NAV3: variants seen among roughly 807,000 people sequenced by gnomAD.
The protein encoded by NAV3 is neuron navigator 3, also known as pore membrane and/or filament interacting like protein 1.
NAV3 carries 87 observed loss-of-function variants against 244.7 expected under a neutral mutation model. The observed-to-expected ratio is 0.36, with a 90% CI of 0.30 to 0.42. The LOEUF is 0.42. NAV3 is among the 20% of genes least tolerant of loss of function. The pLI is 1.00. For synonymous variants in NAV3, 1,126 were observed against 1,042.2 expected (o/e 1.08, Z -1.55); for missense variants, 2,663 against 2,893.3 (o/e 0.92, Z 1.83).
chr12:77,988,791 C>T (rs907169749), intron 5 of NAV3, among the ~76,000 whole-genome samples: 1 of 152,132 alleles, frequency 6.6e-6, no homozygotes, highest in Non-Finnish European at 1.5e-5. Flanking sequence ...GTCTACATGT[C>T]ACCTGTGTCT....
At chr12:78,033,532 A>G (rs1365992904) in intron 9 of NAV3, among the ~76,000 whole-genome samples, 1 of 152,086 alleles carries the variant, frequency 6.6e-6, no homozygotes, top group East Asian at 1.9e-4. Flanking sequence ...AAAAACATTC[A>G]TATATGAATG....
At chr12:77,684,911 T>A (rs994753279) in intron 2 of NAV3, among the ~76,000 whole-genome samples, 1 of 152,204 alleles carries the variant, frequency 6.6e-6, no homozygotes, top group East Asian at 1.9e-4. Flanking sequence ...TTTGAAAAAA[T>A]TTTCCTTTCA....
chr12:77,875,564 T>C (rs550656696), intron 1 of NAV3, among the ~76,000 whole-genome samples: 26 of 152,146 alleles, frequency 1.7e-4, no homozygotes, highest in African/African-American at 6.3e-4. Context: ...CAATAAATAT[T>C]TGTTAAATTA....
intron 3 of NAV3, among the ~76,000 whole-genome samples, chr12:77,945,928 T>C (rs909355699): frequency 6.6e-6 from 1 of 151,532 alleles, no homozygotes; most frequent in Non-Finnish European, 1.5e-5. Flanking sequence ...TTTTTTAATT[T>C]TTTTAATTTT....
chr12:77,985,098 G>A (rs961411027), intron 5 of NAV3, among the ~76,000 whole-genome samples: 2 of 152,206 alleles, frequency 1.3e-5, no homozygotes, highest in Non-Finnish European at 2.9e-5. Flanking sequence ...TTACAGGCGT[G>A]AGCCACCGCG....
chr12:78,029,467 T>C (rs902611599), intron 9 of NAV3, among the ~76,000 whole-genome samples: 2 of 152,170 alleles, frequency 1.3e-5, no homozygotes, highest in Non-Finnish European at 2.9e-5. Context: ...ATTATGCCAG[T>C]TGATAAAAAT....
At chr12:77,626,039 G>A (rs1390928093) in intron 2 of NAV3, among the ~76,000 whole-genome samples, 2 of 151,968 alleles carry the variant, frequency 1.3e-5, no homozygotes, top group Non-Finnish European at 2.9e-5. Flanking sequence ...GATAAATAAT[G>A]CAAAGAAATC....
chr12:78,140,806 A>G (rs1187160947), intron 20 of NAV3, among the ~76,000 whole-genome samples: 1 of 137,860 alleles, frequency 7.3e-6, no homozygotes, highest in Admixed American at 8.3e-5. Context: ...GGGTAAAAGC[A>G]TAAAAGAACC....
chr12:77,678,040 G>A (rs1380016980), intron 2 of NAV3, among the ~76,000 whole-genome samples: 2 of 151,964 alleles, frequency 1.3e-5, no homozygotes, highest in Admixed American at 6.6e-5. Flanking sequence ...CTGATGTTAC[G>A]CCTTGTTAGC....
At chr12:78,090,952 TTCTG>T (rs762859222) in intron 12 of NAV3, among the ~76,000 whole-genome samples, 1 of 114,052 alleles carries the variant, frequency 8.8e-6, no homozygotes, top group Non-Finnish European at 1.8e-5. Context: ...CTGTGCTGTA[TTCTG>T]TGTGTGTGTG....
At chr12:78,050,674 C>A (rs900248981) in intron 10 of NAV3, 90 bp from the exon 11 acceptor site, 3 of 1,361,320 alleles carry the variant, frequency 2.2e-6, no homozygotes, top group African/African-American at 2.9e-5. Context: ...AAGAGATGAC[C>A]CTCAACTCCA....
intron 12 of NAV3, among the ~76,000 whole-genome samples, chr12:78,116,026 C>T (rs895840974): frequency 1.1e-4 from 17 of 152,074 alleles, no homozygotes; most frequent in Non-Finnish European, 2.4e-4. Context: ...CTGTGTGGCA[C>T]GGGCATTTCA....
intron 25 of NAV3, among the ~76,000 whole-genome samples, chr12:78,176,231 C>A (rs940654362): frequency 1.3e-4 from 19 of 146,196 alleles, no homozygotes; most frequent in Middle Eastern, 3.4e-3. Flanking sequence ...TCTTTTAATA[C>A]CAAAAAAAAA....
chr12:77,646,641 G>A (rs1269114425), intron 2 of NAV3, among the ~76,000 whole-genome samples: 1 of 152,066 alleles, frequency 6.6e-6, no homozygotes, highest in African/African-American at 2.4e-5. Context: ...TACTCTCAGA[G>A]GTGGAAGAAC....
chr12:77,755,952 C>T (rs183983771), intron 2 of NAV3, among the ~76,000 whole-genome samples: 62 of 152,010 alleles, frequency 4.1e-4, no homozygotes, highest in African/African-American at 1.4e-3. Flanking sequence ...TCTTATTGTC[C>T]TGTAGGAAAG....
chr12:77,800,428 G>A (rs758711652), intron 2 of NAV3, among the ~76,000 whole-genome samples: 1 of 152,158 alleles, frequency 6.6e-6, no homozygotes, highest in Non-Finnish European at 1.5e-5. Context: ...CCTAGCGATT[G>A]TACAATGGTT....
chr12:78,179,242 A>G (rs1293567180), intron 28 of NAV3, among the ~76,000 whole-genome samples: 4 of 152,162 alleles, frequency 2.6e-5, no homozygotes, highest in Non-Finnish European at 5.9e-5. Flanking sequence ...GCCTATAAAT[A>G]TCACCAATAA....
At chr12:77,955,493 A>T (rs1891281544) in intron 3 of NAV3, among the ~76,000 whole-genome samples, 1 of 152,172 alleles carries the variant, frequency 6.6e-6, no homozygotes, top group South Asian at 2.1e-4. Flanking sequence ...ACTTCGAAAT[A>T]ACATATCTTT....
At chr12:78,161,745 A>G (rs771174396) in intron 23 of NAV3, among the ~76,000 whole-genome samples, 19 of 152,120 alleles carry the variant, frequency 1.2e-4, no homozygotes, top group Non-Finnish European at 4.4e-5. Flanking sequence ...CAAACTGTAT[A>G]CACACAACAA....
Sources: allele counts gnomAD v4.1 joint callset (sites outside exome capture counted in the v4.1 genomes callset), GRCh38; gene constraint gnomAD v4.1.1; transcripts MANE v1.5; gene names NCBI Gene and HGNC (gene_info 2026-07-23, HGNC 2026-07-21).